Variants in NRG3 observed in about 807,000 individuals in gnomAD.
NRG3 encodes the protein pro-neuregulin-3, membrane-bound isoform.
In NRG3, 31 loss-of-function variants were observed where a neutral mutation model predicts 66.9. That is an observed-to-expected ratio of 0.46 (90% confidence interval 0.35 to 0.63). The LOEUF (loss-of-function observed/expected upper bound fraction) is 0.63, where lower values mean the gene tolerates loss of function less well. Ranked by LOEUF, NRG3 falls within the 20% of genes least tolerant of loss-of-function variation. The probability of loss-of-function intolerance (pLI) is 0.00; values close to 1 mark genes in which losing one functional copy is unlikely to be tolerated. For missense variants in NRG3, 910 were observed against 878.9 expected (o/e 1.04, Z -0.45); for synonymous variants, 393 against 359.4 (o/e 1.09, Z -1.06).
At chr10:82,930,330 G>C (rs1847440745) in intron 4 of NRG3, among the ~76,000 whole-genome samples, 1 of 152,196 alleles carries the variant, frequency 6.6e-6, no homozygotes, top group South Asian at 2.1e-4. Context: ...TTAGCATAGT[G>C]GTGGAATTTA....
chr10:82,370,542 C>A (rs969828239), intron 2 of NRG3, among the ~76,000 whole-genome samples: 1 of 106,498 alleles, frequency 9.4e-6, no homozygotes, highest in Non-Finnish European at 1.7e-5. Context: ...TATTCTTATT[C>A]AGGGATGCGG....
intron 5 of NRG3, 76 bp downstream of exon 5, chr10:82,951,647 G>C (rs1849524044): frequency 4.0e-6 from 5 of 1,261,684 alleles, no homozygotes; most frequent in Non-Finnish European, 4.6e-6. Flanking sequence ...TTCTCAGTCT[G>C]TGTGCCACAC....
intron 1 of NRG3, among the ~76,000 whole-genome samples, chr10:82,181,793 G>A (rs2073438265): frequency 6.6e-6 from 1 of 151,734 alleles, no homozygotes; most frequent in African/African-American, 2.4e-5. Flanking sequence ...TATTGTGCAA[G>A]TTCTCTTTCC....
At chr10:82,147,641 C>T (rs2070356823) in intron 1 of NRG3, among the ~76,000 whole-genome samples, 1 of 152,218 alleles carries the variant, frequency 6.6e-6, no homozygotes, top group Non-Finnish European at 1.5e-5. Context: ...CGTTAGCCAG[C>T]CTCAGTGTGT....
At chr10:82,442,271 C>A (rs2090470316) in intron 2 of NRG3, among the ~76,000 whole-genome samples, 2 of 152,152 alleles carry the variant, frequency 1.3e-5, no homozygotes, top group South Asian at 4.2e-4. Context: ...ATTCCTAGTC[C>A]CAGCATAATG....
At chr10:82,730,498 T>A (rs1022857157) in intron 2 of NRG3, among the ~76,000 whole-genome samples, 1 of 152,226 alleles carries the variant, frequency 6.6e-6, no homozygotes, top group Non-Finnish European at 1.5e-5. Flanking sequence ...TTGAAATCTA[T>A]TGACAACACA....
intron 2 of NRG3, among the ~76,000 whole-genome samples, chr10:82,385,244 CT>C (rs1461890864): frequency 6.6e-6 from 1 of 151,994 alleles, no homozygotes; most frequent in Non-Finnish European, 1.5e-5. Context: ...GCAAAGTTTT[CT>C]CCCGTTCTGT....
At position 82,978,856 on chromosome 10, in the gene NRG3, T is replaced by C. The variant is rs1204735246; in HGVS notation, c.1413-94T>C. ...GAACTTTGAGAATTTGGGGTGCAGA[T>C]TCAGTGTTTGCAAAGCTTGAGCAGC... On this transcript the variant is annotated intron_variant, in intron 7 of 8. Coordinates refer to ENST00000372141, the MANE Select transcript of NRG3 (RefSeq NM_001010848.4). The C allele has an allele frequency of 3.9e-6, 5 of 1,298,572 alleles. No homozygotes were observed. In the African/African-American group the frequency reaches 5.9e-5, roughly 15 times the overall value. 80.4% of individuals were successfully genotyped at this position (1,298,572 alleles called of 1,614,324 possible). A position where few individuals can be genotyped will look rare whatever the true frequency, so the allele number is the denominator to read the frequency against.
intron 1 of NRG3, among the ~76,000 whole-genome samples, chr10:82,342,098 GAT>G (rs142935379): frequency 6.9e-4 from 103 of 150,206 alleles, no homozygotes; most frequent in African/African-American, 2.2e-3. Flanking sequence ...CATACTATAT[GAT>G]ATATATATAT....
intron 1 of NRG3, among the ~76,000 whole-genome samples, chr10:82,282,159 G>A (rs1589579431): frequency 6.6e-6 from 1 of 152,078 alleles, no homozygotes; most frequent in African/African-American, 2.4e-5. Context: ...ATCTAGAGGA[G>A]GTTGTTCTAG....
In NRG3 at chr10:82,132,458, T is replaced by TA. The variant is rs1302441969; in HGVS notation, c.824-226281_824-226280insA. Among the ~76,000 whole-genome samples, 48 of 84,312 alleles carry TA rather than the reference T, an allele frequency of 5.7e-4. 1 individual carries two copies. The highest frequency in any genetic ancestry group is 5.8e-3 in the Middle Eastern group (1 of 172). 55.3% of individuals were successfully genotyped at this position (84,312 alleles called of 152,430 possible). A position where few individuals can be genotyped will look rare whatever the true frequency, so the allele number is the denominator to read the frequency against. The stretch of plus-strand genomic sequence containing the variant: ...TTTGCTAATATCTTTTATATATATA[T>TA]GATATATATGATATATATATGATAT... On this transcript the variant is annotated intron_variant, in intron 1 of 8. Coordinates refer to ENST00000372141, the MANE Select transcript of NRG3 (RefSeq NM_001010848.4).
chr10:81,986,658 T>G (rs1589692809), intron 1 of NRG3, among the ~76,000 whole-genome samples: 2 of 152,310 alleles, frequency 1.3e-5, no homozygotes, highest in East Asian at 3.9e-4. Flanking sequence ...AAATATAAAT[T>G]CATTGGCACA....
chr10:82,089,270 C>T (rs1262302071), intron 1 of NRG3, among the ~76,000 whole-genome samples: 26 of 151,676 alleles, frequency 1.7e-4, no homozygotes, highest in African/African-American at 5.8e-4. Context: ...AAATAGTGGC[C>T]TTTCTTACAT....
intron 1 of NRG3, chr10:82,232,458 CCTCT>C (rs1043601312): frequency 7.2e-5 from 22 of 307,012 alleles, no homozygotes; most frequent in Non-Finnish European, 1.1e-4. Context: ...ATCCCCACTC[CCTCT>C]GTGTTGCTTG....
chr10:82,565,612 T>A (rs1255551672), intron 2 of NRG3, among the ~76,000 whole-genome samples: 1 of 152,032 alleles, frequency 6.6e-6, no homozygotes, highest in African/African-American at 2.4e-5. Flanking sequence ...TGATTTTTGT[T>A]TTTTGATCGG....
chr10:82,364,668 A>G (rs1323728089), intron 2 of NRG3, among the ~76,000 whole-genome samples: 4 of 152,206 alleles, frequency 2.6e-5, no homozygotes, highest in Non-Finnish European at 5.9e-5. Context: ...AAGCTCATTA[A>G]ATGTTTCACC....
At chr10:82,040,606 C>T (rs1290521467) in intron 1 of NRG3, among the ~76,000 whole-genome samples, 1 of 151,872 alleles carries the variant, frequency 6.6e-6, no homozygotes, top group Non-Finnish European at 1.5e-5. Flanking sequence ...ACTGCAGTGG[C>T]AGGCTTTCTA....
At chr10:82,914,133 A>T (rs1845604513) in intron 4 of NRG3, among the ~76,000 whole-genome samples, 1 of 150,594 alleles carries the variant, frequency 6.6e-6, no homozygotes, top group African/African-American at 2.4e-5. Context: ...TTTTTCTAGT[A>T]CTTCCTTTGG....
chr10:82,330,557 C>A (rs1376716245), intron 1 of NRG3, among the ~76,000 whole-genome samples: 2 of 152,084 alleles, frequency 1.3e-5, no homozygotes, highest in East Asian at 3.9e-4. Context: ...AGATATATGG[C>A]AATACAGATA....
Sources: allele counts gnomAD v4.1 joint callset (sites outside exome capture counted in the v4.1 genomes callset), GRCh38; gene constraint gnomAD v4.1.1; transcripts MANE v1.5; gene names NCBI Gene and HGNC (gene_info 2026-07-23, HGNC 2026-07-21).